ANKRD52: variants seen among roughly 807,000 people sequenced by gnomAD.
ANKRD52 encodes serine/threonine-protein phosphatase 6 regulatory ankyrin repeat subunit C.
In ANKRD52, 7 loss-of-function variants were observed where a neutral mutation model predicts 116.0. The ratio of observed to expected loss-of-function variants is 0.06; its 90% CI spans 0.03 to 0.11. The LOEUF is 0.11. ANKRD52 is among the 10% of genes least tolerant of loss of function. ANKRD52 has a pLI of 1.00. For synonymous variants in ANKRD52, 528 were observed against 578.1 expected, an observed-to-expected ratio of 0.91 and a Z score of 1.24; for missense variants, 839 against 1,408.6, an observed-to-expected ratio of 0.60 and a Z score of 6.47.
In ANKRD52 at chr12:56,252,628, G is replaced by C; in HGVS notation, c.1302-58C>G. 1 of 1,575,480 alleles carries C rather than the reference G, an allele frequency of 6.3e-7. No individual in the cohort carries two copies. Among genetic ancestry groups the C allele is most frequent in the Non-Finnish European group, 8.7e-7 (1 of 1,146,330 alleles). ...CTCAAAGGGAAGCCACAGGCCCAGG[G>C]TGGGGCTAAGGAAGGATGGGACTAG... On this transcript the variant is annotated intron_variant, in intron 12 of 27. Coordinates refer to ENST00000267116, the MANE Select transcript of ANKRD52 (RefSeq NM_173595.4). The surrounding 1 kb of genome is among the most constrained non-coding windows in gnomAD (Gnocchi z 4.7).
rs996543885 is a variant in ANKRD52 at position 56,255,129 on chromosome 12, G to A, written c.463-177C>T. 7.2e-6 allele frequency: 4 copies of A among 559,238 alleles called. No homozygotes were observed. In the Admixed American group the frequency reaches 1.2e-4, roughly 17 times the overall value. 34.6% of individuals were successfully genotyped at this position (559,238 alleles called of 1,614,324 possible). ...AGCAGGCACTAAGGAGGAGATACTG[G>A]AGAGATTTGGAACTTTAAGGGAAAC... On this transcript the variant is annotated intron_variant, in intron 5 of 27. Transcript: ENST00000267116. The surrounding 1 kb of genome is among the most constrained non-coding windows in gnomAD (Gnocchi z 4.3).
chr12:56,253,040 CA>C lies in ANKRD52; in HGVS notation c.1146del (p.Phe382LeufsTer62). 1 of 1,586,408 alleles carries C rather than the reference CA, an allele frequency of 6.3e-7. No individual in the cohort carries two copies. Among genetic ancestry groups the C allele is most frequent in the Non-Finnish European group, 8.6e-7 (1 of 1,166,536 alleles). On this transcript the variant is annotated frameshift_variant, in exon 11 of 28. Coordinates refer to ENST00000267116, the MANE Select transcript of ANKRD52 (RefSeq NM_173595.4). LOFTEE classifies it high-confidence loss of function. This position sits in a 1 kb window ranked among gnomAD's most constrained non-coding sequence, Gnocchi z 5.5. The part of the protein sequence containing the change: ...DMFPLHLAVL[F>X]GFSDCCRKLL... ...AGCTTACGACAACAGTCAGAGAATC[CA>C]AAGAGAACAGCTAAGTGCAGGGGGA...
intron 1 of ANKRD52, 125 bp downstream of exon 1, chr12:56,258,118 T>G: frequency 6.7e-7 from 1 of 1,482,892 alleles, no homozygotes; most frequent in Non-Finnish European, 9.2e-7. Context: ...GAGCGCGGCA[T>G]GGGGCGGGGC....
Position 56,254,587 on chromosome 12 carries a change from C to T in ANKRD52, c.684G>A (p.Met228Ile). 6.2e-7 allele frequency: 1 copy of T among 1,613,868 alleles called. No homozygotes were observed. Among genetic ancestry groups the T allele is most frequent in the South Asian group, 1.1e-5 (1 of 91,058 alleles). ...AGCTCAAAGCCCTGACCTCCGCTCC[C>T]ATCCGAAGCAGGTACTTCACCACTT... Reference protein sequence around the residue: ...QIEVVKYLLRMGAEIDEPNAF... With the variant: ...QIEVVKYLLRIGAEIDEPNAF... The change falls in exon 7 of 28, where the codon ATG becomes ATA. Residue 228 changes from methionine (M) to isoleucine (I), a missense_variant. By Grantham distance (10) the Met-to-Ile change is conservative (BLOSUM62 1). Coordinates refer to ENST00000267116, the MANE Select transcript of ANKRD52 (RefSeq NM_173595.4). This position sits in a 1 kb window ranked among gnomAD's most constrained non-coding sequence, Gnocchi z 4.6.
chr12:56,250,769 T>G (rs1871651602), intron 15 of ANKRD52, among the ~76,000 whole-genome samples: 1 of 150,914 alleles, frequency 6.6e-6, no homozygotes, highest in African/African-American at 2.4e-5. Flanking sequence ...AGAAAAATTG[T>G]GAAGATAGTA....
rs1871104400 is a variant in ANKRD52, at chr12:56,240,309, C to G, written c.*2833G>C. On this transcript the variant is annotated 3_prime_UTR_variant, in exon 28 of 28. Transcript: ENST00000267116. The surrounding 1 kb of genome is among the most constrained non-coding windows in gnomAD (Gnocchi z 4.2). Reference sequence around the variant, plus strand: ...ATCAGAAACTAAAAACTGGCTCTTTCCATCTCACCCTCTGATTCACACGTC... The same window carrying G: ...ATCAGAAACTAAAAACTGGCTCTTTGCATCTCACCCTCTGATTCACACGTC... 1 of 152,332 alleles carries G rather than the reference C, an allele frequency of 6.6e-6. No individual in the cohort carries two copies. Among genetic ancestry groups the G allele is most frequent in the Non-Finnish European group, 1.5e-5 (1 of 68,096 alleles). The allele number at this position is 152,332 out of a possible 1,614,324, so 9.4% of individuals were successfully genotyped here.
chr12:56,244,034 C>G lies in ANKRD52; in HGVS notation c.2888+17G>C. 2 of 1,613,520 alleles carry G rather than the reference C, an allele frequency of 1.2e-6. No individual in the cohort carries two copies. Among genetic ancestry groups the G allele is most frequent in the Non-Finnish European group, 1.7e-6 (2 of 1,179,736 alleles). ...CTGGCCTCCCCCAGCCAGGAGCCCC[C>G]TTCCCCAGGCACTCACATCTGCAGC... On this transcript the variant is annotated intron_variant, in intron 26 of 27. Transcript: ENST00000267116. The surrounding 1 kb of genome is among the most constrained non-coding windows in gnomAD (Gnocchi z 4.9).
rs1392685916 is a variant in ANKRD52 at position 56,248,286 on chromosome 12, T to A, written c.1777-62A>T. On this transcript the variant is annotated intron_variant, in intron 17 of 27. Transcript: ENST00000267116. This position sits in a 1 kb window ranked among gnomAD's most constrained non-coding sequence, Gnocchi z 5.1. Reference sequence around the variant, plus strand: ...GACCTTCCCTGCTCCTCCCTTCCCCTTCTCTGCTCTTGGGGTCCCTGGGAA... The same window carrying A: ...GACCTTCCCTGCTCCTCCCTTCCCCATCTCTGCTCTTGGGGTCCCTGGGAA... The A allele has an allele frequency of 6.3e-7, 1 of 1,578,056 alleles. No homozygotes were observed. The highest frequency in any genetic ancestry group is 8.7e-7 in the Non-Finnish European group (1 of 1,152,630).
chr12:56,248,771 C>A lies in ANKRD52; in HGVS notation c.1692G>T (p.Gln564His). 1 of 1,610,284 alleles carries A rather than the reference C, an allele frequency of 6.2e-7. No individual in the cohort carries two copies. Among genetic ancestry groups the A allele is most frequent in the Non-Finnish European group, 8.5e-7 (1 of 1,177,810 alleles). ...CCCCAACACATACCAGTTCGAGGTT[C>A]TGTCTGTTGCCATAGGCGGCTGCAT... ...VHYAAAYGNR[Q>H]NLELLLEMSF... The change falls in exon 16 of 28, where the codon CAG (glutamine) becomes CAT (histidine). Residue 564 changes from glutamine to histidine, a missense_variant. Physicochemically the swap from Gln to His is conservative, Grantham distance 24 (BLOSUM62 0). Transcript: ENST00000267116. This position sits in a 1 kb window ranked among gnomAD's most constrained non-coding sequence, Gnocchi z 5.1.
Position 56,243,456 on chromosome 12 carries a change from C to A in ANKRD52, c.2981-64G>T. On this transcript the variant is annotated intron_variant, in intron 27 of 27. Transcript: ENST00000267116. The surrounding 1 kb of genome is among the most constrained non-coding windows in gnomAD (Gnocchi z 4.6). The stretch of plus-strand genomic sequence containing the variant: ...GTATCCTAGCCAGCCTCCCCCAAGC[C>A]CTGAAGTCTCTTCTCTGTGGAGGGA... 6.5e-7 allele frequency: 1 copy of A among 1,542,316 alleles called. No homozygotes were observed. The highest frequency in any genetic ancestry group is 1.4e-5 in the African/African-American group (1 of 73,466).
At chr12:56,245,229 G>A (rs751202197) in intron 21 of ANKRD52, 39 bp from the exon 22 acceptor site, 30 of 1,610,498 alleles carry the variant, frequency 1.9e-5, no homozygotes, top group South Asian at 1.1e-4. Context: ...GGAGAAAAAC[G>A]GCAAGGTTCC....
chr12:56,254,009 A>G lies in ANKRD52; in HGVS notation c.906+58T>C. On this transcript the variant is annotated intron_variant, in intron 8 of 27. Coordinates refer to ENST00000267116, the MANE Select transcript of ANKRD52 (RefSeq NM_173595.4). This position sits in a 1 kb window ranked among gnomAD's most constrained non-coding sequence, Gnocchi z 4.6. ...CCAAGAGAGCTATCCAGATACAGTC[A>G]GGACCCCTAGATCCAAGTTTCGCTC... is the stretch of plus-strand genomic sequence containing the variant. 1 of 1,529,198 alleles carries G rather than the reference A, an allele frequency of 6.5e-7. No homozygotes were observed. The highest frequency in any genetic ancestry group is 1.1e-5 in the South Asian group (1 of 87,400). 94.7% of individuals were successfully genotyped at this position (1,529,198 alleles called of 1,614,324 possible). A position where few individuals can be genotyped will look rare whatever the true frequency, so the allele number is the denominator to read the frequency against.
rs1871481182 is a variant in ANKRD52 at position 56,247,706 on chromosome 12, C to T, written c.2047G>A (p.Val683Ile). The T allele has an allele frequency of 6.2e-7, 1 of 1,612,022 alleles. No individual in the cohort carries two copies. Among genetic ancestry groups the T allele is most frequent in the African/African-American group, 1.3e-5 (1 of 74,904 alleles). Residue 683 changes from valine (V) to isoleucine (I), a missense_variant, in exon 19 of 28, where the codon GTC becomes ATC. Val to Ile is a conservative substitution (Grantham distance 29). Around this residue, in one of 2 missense-constraint regions of ANKRD52, gnomAD observed 552 missense variants for 810.6 expected, o/e 0.68. Coordinates refer to ENST00000267116, the MANE Select transcript of ANKRD52 (RefSeq NM_173595.4). ...DSGERADITD[V>I]MDAYGQTPLM... is the part of the protein sequence containing the mutation. Reference sequence around the variant, plus strand: ...ACTCACTGTCCATAGGCATCCATGACATCTGTGATGTCAGCTCGTTCCCCA... The same window carrying T: ...ACTCACTGTCCATAGGCATCCATGATATCTGTGATGTCAGCTCGTTCCCCA...
intron 15 of ANKRD52, among the ~76,000 whole-genome samples, chr12:56,249,333 G>A (rs1871574131): frequency 6.6e-6 from 1 of 152,086 alleles, no homozygotes; most frequent in South Asian, 2.1e-4. Flanking sequence ...GTGCTCCCTT[G>A]GCAGTCTTCT....
In ANKRD52 at chr12:56,247,484, C is replaced by T. The variant is rs963330435; in HGVS notation, c.2184+9G>A. On this transcript the variant is annotated intron_variant, in intron 20 of 27. Coordinates refer to ENST00000267116, the MANE Select transcript of ANKRD52 (RefSeq NM_173595.4). ...ATGTGCAAACAATCCCCCCTAGAAG[C>T]TCACTCACCCCGCGGTGGAGGGCAG... is the stretch of plus-strand genomic sequence containing the variant. 3.2e-6 allele frequency: 5 copies of T among 1,561,088 alleles called. No individual in the cohort carries two copies. Among genetic ancestry groups the T allele is most frequent in the Admixed American group, 3.8e-5 (2 of 52,560 alleles).
Position 56,245,305 on chromosome 12 carries a change from A to G in ANKRD52, c.2404+72T>C, listed in dbSNP as rs773781034. ...TTCAGATCAACCCAGGTCCCCCCCA[A>G]CAACCCACCTGTCCCCCTCTACACA... On this transcript the variant is annotated intron_variant, in intron 21 of 27. Coordinates refer to ENST00000267116, the MANE Select transcript of ANKRD52 (RefSeq NM_173595.4). 2.7e-4 allele frequency: 434 copies of G among 1,599,474 alleles called. 1 individual carries two copies. Among genetic ancestry groups the G allele is most frequent in the Non-Finnish European group, 2.7e-4 (313 of 1,170,342 alleles).
At chr12:56,257,936 G>A in intron 1 of ANKRD52, 25 bp from the exon 2 acceptor site, 1 of 1,610,294 alleles carries the variant, frequency 6.2e-7, no homozygotes, top group African/African-American at 1.3e-5. Flanking sequence ...GGCATTCTGA[G>A]AGCGGGCTGG....
Position 56,253,190 on chromosome 12 carries a change from A to G in ANKRD52, c.1100+98T>C. The G allele has an allele frequency of 6.8e-7, 1 of 1,470,310 alleles. No individual in the cohort carries two copies. Among genetic ancestry groups the G allele is most frequent in the Non-Finnish European group, 9.3e-7 (1 of 1,073,006 alleles). 91.1% of individuals were successfully genotyped at this position (1,470,310 alleles called of 1,614,324 possible). A position where few individuals can be genotyped will look rare whatever the true frequency, so the allele number is the denominator to read the frequency against. ...TAGAGTCAGGGTAGGAGGTTCTCCA[A>G]GGTGCCCTTTGGCAAGCTTATCTGT... On this transcript the variant is annotated intron_variant, in intron 10 of 27. Transcript: ENST00000267116. This position sits in a 1 kb window ranked among gnomAD's most constrained non-coding sequence, Gnocchi z 5.5.
Position 56,244,956 on chromosome 12 carries a change from T to G in ANKRD52, c.2526A>C (p.Leu842=). 4.3e-6 allele frequency: 7 copies of G among 1,613,850 alleles called. No individual in the cohort carries two copies. The highest frequency in any genetic ancestry group is 5.9e-6 in the Non-Finnish European group (7 of 1,179,858). Residue 842 remains leucine (L), a synonymous_variant, in exon 23 of 28, where the codon CTA becomes CTC. Coordinates refer to ENST00000267116, the MANE Select transcript of ANKRD52 (RefSeq NM_173595.4). This position sits in a 1 kb window ranked among gnomAD's most constrained non-coding sequence, Gnocchi z 4.9. ...CAATCTTGGCACCCAGAGCTCCCAG[T>G]AGCATCTCTGTGGTGCTGTCTTGGT... The part of the protein sequence containing the change: ...INNQDSTTEM[L]LGALGAKIVN...
Sources: gnomAD v4.1 joint callset for allele counts (sites outside exome capture counted in the v4.1 genomes callset) on GRCh38, gnomAD v4.1.1 for gene constraint, gnomAD v4.1.1 regional missense constraint, Gnocchi (gnomAD v3.1) non-coding constraint, MANE v1.5 for transcripts, NCBI Gene and HGNC (gene_info 2026-07-23, HGNC 2026-07-21) for gene names.